The following TPTE variants were observed in gnomAD, a reference collection of about 807,000 sequenced individuals.
TPTE encodes transmembrane phosphatase with tensin homology.
Under a neutral mutation model 84.1 loss-of-function variants are expected in TPTE, and 59 were observed. The ratio of observed to expected loss-of-function variants is 0.70; its 90% CI spans 0.57 to 0.87. The LOEUF is 0.87. TPTE is among the 40% of genes least tolerant of loss of function. TPTE has a pLI of 0.00. For synonymous variants in TPTE, 130 were observed against 223.5 expected (o/e 0.58, Z 3.73); for missense variants, 382 against 659.6 (o/e 0.58, Z 4.61).
intron 8 of TPTE, among the ~76,000 whole-genome samples, chr21:10,556,784 G>C (rs967053499): frequency 1.3e-5 from 2 of 152,422 alleles, no homozygotes; most frequent in Non-Finnish European, 2.9e-5. Flanking sequence ...GCATTTCTCT[G>C]ATGGCCAGTG....
At chr21:10,544,541 T>A (rs1600875487) in intron 7 of TPTE, among the ~76,000 whole-genome samples, 1 of 152,304 alleles carries the variant, frequency 6.6e-6, no homozygotes, top group East Asian at 1.9e-4. Flanking sequence ...TGTGCCACCA[T>A]GCCAGACAAA....
intron 1 of TPTE, among the ~76,000 whole-genome samples, chr21:10,522,577 C>T (rs2074002099): frequency 1.3e-5 from 2 of 152,308 alleles, no homozygotes; most frequent in Non-Finnish European, 2.9e-5. Context: ...TTTTAATCTG[C>T]ATTTCTCTAA....
chr21:10,529,950 A>G (rs1390504260), intron 3 of TPTE, among the ~76,000 whole-genome samples: 2 of 152,426 alleles, frequency 1.3e-5, no homozygotes, highest in Non-Finnish European at 2.9e-5. Context: ...TCTGTGTTTA[A>G]TAAGTATCAT....
intron 8 of TPTE, among the ~76,000 whole-genome samples, chr21:10,557,922 A>G (rs1481542180): frequency 1.3e-5 from 2 of 152,306 alleles, no homozygotes; most frequent in African/African-American, 4.8e-5. Context: ...TCCCCACTTA[A>G]GTAGACCCCA....
chr21:10,524,277 G>A (rs1490420874), intron 1 of TPTE, among the ~76,000 whole-genome samples: 3 of 152,306 alleles, frequency 2.0e-5, no homozygotes, highest in African/African-American at 7.2e-5. Flanking sequence ...ACTAGATGGT[G>A]GTCTCTGCGG....
chr21:10,596,862 C>T (rs1192934472), intron 20 of TPTE, among the ~76,000 whole-genome samples: 1 of 152,256 alleles, frequency 6.6e-6, no homozygotes, highest in Non-Finnish European at 1.5e-5. Context: ...TTCTGGTAGA[C>T]ATCAATAGAA....
rs141315155 is a variant in TPTE, at chr21:10,523,350, G to A, written c.-210-1230G>A. Reference sequence around the variant, plus strand: ...GTTTTAGGGTACATGTGCACAATGTGCAGGTTAGTTACATATGTAAACGTG... The same window carrying A: ...GTTTTAGGGTACATGTGCACAATGTACAGGTTAGTTACATATGTAAACGTG... On this transcript the variant is annotated intron_variant, in intron 1 of 23. Coordinates refer to ENST00000618007, the MANE Select transcript of TPTE (RefSeq NM_199261.4). Among the ~76,000 whole-genome samples, 38 of 152,316 alleles carry A rather than the reference G, an allele frequency of 2.5e-4. No homozygotes were observed. The East Asian group carries it at 6.4e-3, about 26-fold the overall frequency.
At chr21:10,541,947 A>T (rs1176344551) in intron 5 of TPTE, among the ~76,000 whole-genome samples, 1 of 152,312 alleles carries the variant, frequency 6.6e-6, no homozygotes, top group Non-Finnish European at 1.5e-5. Flanking sequence ...ATCCTATTGG[A>T]TTGTGCCCCT....
chr21:10,557,318 A>G (rs2074703731), intron 8 of TPTE, among the ~76,000 whole-genome samples: 2 of 152,302 alleles, frequency 1.3e-5, no homozygotes, highest in Non-Finnish European at 2.9e-5. Context: ...TTGAAGCTTC[A>G]TTTACATAGT....
chr21:10,536,855 T>TGTGTATG, intron 3 of TPTE, among the ~76,000 whole-genome samples: 1 of 152,308 alleles, frequency 6.6e-6, no homozygotes, highest in East Asian at 1.9e-4. Context: ...TGAGACATAC[T>TGTGTATG]AGAGTGGACC....
chr21:10,598,215 G>GTA, intron 21 of TPTE, 121 bp downstream of exon 21: 1 of 1,439,190 alleles, frequency 6.9e-7, no homozygotes, highest in South Asian at 1.2e-5. Context: ...ACGCTTTCTG[G>GTA]TTACCATCCA....
chr21:10,581,922 A>T (rs1250353237), intron 17 of TPTE, among the ~76,000 whole-genome samples: 1 of 152,308 alleles, frequency 6.6e-6, no homozygotes, highest in Non-Finnish European at 1.5e-5. Context: ...TTTTATAGAG[A>T]CAGGGTCTCA....
At chr21:10,564,574 C>G (rs1424875867) in intron 10 of TPTE, among the ~76,000 whole-genome samples, 1 of 152,294 alleles carries the variant, frequency 6.6e-6, no homozygotes, top group Non-Finnish European at 1.5e-5. Flanking sequence ...GCTAATATAT[C>G]TGATAAATAT....
chr21:10,580,462 T>G (rs61703047), intron 17 of TPTE, among the ~76,000 whole-genome samples: 2 of 152,408 alleles, frequency 1.3e-5, no homozygotes, highest in East Asian at 3.9e-4. Flanking sequence ...CACCTATCTT[T>G]TCTTCTAGTA....
At chr21:10,590,737 G>C (rs1302312527) in intron 18 of TPTE, among the ~76,000 whole-genome samples, 1 of 152,312 alleles carries the variant, frequency 6.6e-6, no homozygotes, top group Admixed American at 6.5e-5. Flanking sequence ...GCCAGGACTA[G>C]AGTGAGGTCA....
At chr21:10,532,290 C>G (rs917860073) in intron 3 of TPTE, among the ~76,000 whole-genome samples, 1 of 152,306 alleles carries the variant, frequency 6.6e-6, no homozygotes, top group African/African-American at 2.4e-5. Context: ...TCTAAGTTTT[C>G]ACATTTATTA....
rs796281148 is a variant in TPTE at position 10,596,559 on chromosome 21, C to T, written c.1276+472C>T. On this transcript the variant is annotated intron_variant, in intron 20 of 23. Coordinates refer to ENST00000618007, the MANE Select transcript of TPTE (RefSeq NM_199261.4). ...TCTCATCACCCTGGGCTCTCCCTTT[C>T]CCCTCTCTCCTCCATCTGTAACCCT... is the stretch of plus-strand genomic sequence containing the variant. Among the ~76,000 whole-genome samples, 52 of 152,378 alleles carry T rather than the reference C, an allele frequency of 3.4e-4. No homozygotes were observed. In the East Asian group the frequency reaches 8.2e-3, roughly 24 times the overall value.
intron 23 of TPTE, among the ~76,000 whole-genome samples, chr21:10,604,901 A>T (rs564960470): frequency 3.6e-4 from 55 of 152,230 alleles, no homozygotes; most frequent in Admixed American, 3.0e-3. Flanking sequence ...GTTTAGCTAA[A>T]AATGCTAACT....
At chr21:10,542,361 T>C in intron 5 of TPTE, 34 bp from the exon 6 acceptor site, 1 of 1,607,474 alleles carries the variant, frequency 6.2e-7, no homozygotes, top group Admixed American at 1.7e-5. Context: ...GAATTATGTC[T>C]CCTCTCTGAC....
Sources: gnomAD v4.1 joint callset for allele counts (sites outside exome capture counted in the v4.1 genomes callset) on GRCh38, gnomAD v4.1.1 for gene constraint, MANE v1.5 for transcripts, NCBI Gene and HGNC (gene_info 2026-07-23, HGNC 2026-07-21) for gene names.